The following CSMD1 variants were observed in gnomAD, a reference collection of about 807,000 sequenced individuals.
The protein encoded by CSMD1 is CUB and sushi domain-containing protein 1.
A neutral mutation model predicts 417.5 loss-of-function variants in CSMD1; 213 were observed. That is an observed-to-expected ratio of 0.51 (90% CI 0.46 to 0.57). CSMD1 has a LOEUF of 0.57. Ranked by LOEUF, CSMD1 falls within the 20% of genes least tolerant of loss-of-function variation. CSMD1 has a pLI of 0.00. For missense variants in CSMD1, 6,923 were observed against 4,529.7 expected (o/e 1.53, Z -15.17); for synonymous variants, 2,862 against 1,736.8 (o/e 1.65, Z -16.11).
In CSMD1 at chr8:4,499,531, T is replaced by A. The variant is rs192770372; in HGVS notation, c.303-79466A>T. Among the ~76,000 whole-genome samples, 542 of 152,340 alleles carry A rather than the reference T, an allele frequency of 3.6e-3. 6 individuals carry two copies. Among genetic ancestry groups the A allele is most frequent in the South Asian group, 0.018 (89 of 4,828 alleles). On this transcript the variant is annotated intron_variant, in intron 2 of 69. Transcript: ENST00000635120. ...TCAAGGAGTTACTTTATCAACTAGTTTAAACAAGGTGGATAAGCGATAACA... is the reference window on the plus strand; with the variant it reads ...TCAAGGAGTTACTTTATCAACTAGTATAAACAAGGTGGATAAGCGATAACA...
intron 5 of CSMD1, among the ~76,000 whole-genome samples, chr8:3,815,724 G>A (rs1441496108): frequency 6.6e-6 from 1 of 151,082 alleles, no homozygotes. Flanking sequence ...CTTTGGACTT[G>A]GAGATTCTCA....
At chr8:3,480,545 C>G (rs998569404) in intron 11 of CSMD1, among the ~76,000 whole-genome samples, 5 of 152,048 alleles carry the variant, frequency 3.3e-5, no homozygotes, top group African/African-American at 4.8e-5. Context: ...TGAAAACTTA[C>G]CAAATTTGGC....
chr8:3,726,238 T>C (rs1455959450), intron 6 of CSMD1, among the ~76,000 whole-genome samples: 1 of 152,106 alleles, frequency 6.6e-6, no homozygotes, highest in Non-Finnish European at 1.5e-5. Flanking sequence ...TGTAAACCCA[T>C]GAGAGGCTGG....
intron 69 of CSMD1, among the ~76,000 whole-genome samples, chr8:2,939,710 G>A (rs1801730462): frequency 6.6e-6 from 1 of 152,220 alleles, no homozygotes. Context: ...TGCTCATTAA[G>A]AAAAAGAGAA....
At chr8:4,493,611 C>G (rs1482279495) in intron 2 of CSMD1, among the ~76,000 whole-genome samples, 1 of 152,108 alleles carries the variant, frequency 6.6e-6, no homozygotes, top group Non-Finnish European at 1.5e-5. Context: ...GGGGAGATTG[C>G]TTGAGGCCAG....
intron 1 of CSMD1, among the ~76,000 whole-genome samples, chr8:4,869,305 A>C (rs757202030): frequency 6.6e-5 from 10 of 152,154 alleles, no homozygotes; most frequent in East Asian, 5.8e-4. Flanking sequence ...CATTTGATGG[A>C]AACAGTGGAG....
At chr8:3,299,444 CTT>C (rs1361302536) in intron 25 of CSMD1, among the ~76,000 whole-genome samples, 1 of 151,938 alleles carries the variant, frequency 6.6e-6, no homozygotes, top group Non-Finnish European at 1.5e-5. Flanking sequence ...AAGAGCAACA[CTT>C]TGTCTCAAAA....
At chr8:3,465,710 T>C (rs140981116) in intron 12 of CSMD1, among the ~76,000 whole-genome samples, 7 of 152,274 alleles carry the variant, frequency 4.6e-5, no homozygotes, top group Admixed American at 1.3e-4. Flanking sequence ...TTGACATGGG[T>C]GGCCTTTGGT....
intron 5 of CSMD1, among the ~76,000 whole-genome samples, chr8:3,870,864 C>T (rs562405708): frequency 4.8e-4 from 73 of 152,178 alleles, no homozygotes; most frequent in African/African-American, 1.7e-3. Context: ...TCTTAGGTTC[C>T]TTAGATGCCT....
At chr8:3,011,074 C>G (rs1393872420) in intron 52 of CSMD1, among the ~76,000 whole-genome samples, 1 of 152,156 alleles carries the variant, frequency 6.6e-6, no homozygotes, top group African/African-American at 2.4e-5. Flanking sequence ...TTATTTACTC[C>G]TTAGAGTATA....
chr8:4,420,482 G>T (rs931372774), intron 2 of CSMD1, among the ~76,000 whole-genome samples: 1 of 151,696 alleles, frequency 6.6e-6, no homozygotes, highest in Non-Finnish European at 1.5e-5. Flanking sequence ...CCATCACGTC[G>T]GTATGAAGCC....
intron 1 of CSMD1, among the ~76,000 whole-genome samples, chr8:4,689,469 G>A (rs1441607596): frequency 2.0e-5 from 3 of 151,786 alleles, no homozygotes; most frequent in Non-Finnish European, 4.4e-5. Context: ...GGATTTGTGG[G>A]GAAAAAAGGG....
At chr8:3,682,234 T>C (rs1799703423) in intron 7 of CSMD1, among the ~76,000 whole-genome samples, 1 of 152,098 alleles carries the variant, frequency 6.6e-6, no homozygotes, top group Admixed American at 6.6e-5. Context: ...CACAAGAAAC[T>C]ACCATCAGAG....
chr8:4,252,505 T>A (rs1305250598), intron 3 of CSMD1, among the ~76,000 whole-genome samples: 2 of 152,240 alleles, frequency 1.3e-5, no homozygotes, highest in Non-Finnish European at 1.5e-5. Context: ...GCCAGAGGCA[T>A]GTCCTGTTTC....
intron 3 of CSMD1, among the ~76,000 whole-genome samples, chr8:4,231,081 C>T (rs545759467): frequency 5.3e-5 from 8 of 152,248 alleles, no homozygotes; most frequent in African/African-American, 1.9e-4. Context: ...CAAGGGTTAT[C>T]CTAAATTAAG....
At chr8:4,278,650 T>A (rs754818530) in intron 3 of CSMD1, among the ~76,000 whole-genome samples, 6 of 152,112 alleles carry the variant, frequency 3.9e-5, no homozygotes, top group Non-Finnish European at 5.9e-5. Flanking sequence ...CAACATAAAG[T>A]GTAGCTTTTT....
chr8:3,444,404 T>C (rs947061046), intron 12 of CSMD1, among the ~76,000 whole-genome samples: 2 of 152,186 alleles, frequency 1.3e-5, no homozygotes, highest in Non-Finnish European at 2.9e-5. Flanking sequence ...ATCAGACTGT[T>C]TTAAATTCAT....
At chr8:3,681,531 A>G (rs957854133) in intron 7 of CSMD1, among the ~76,000 whole-genome samples, 2 of 152,180 alleles carry the variant, frequency 1.3e-5, no homozygotes, top group African/African-American at 4.8e-5. Context: ...TGCTCAATGA[A>G]ATAAAAGAGG....
intron 1 of CSMD1, among the ~76,000 whole-genome samples, chr8:4,669,407 T>G (rs1200263566): frequency 6.6e-6 from 1 of 152,206 alleles, no homozygotes; most frequent in Non-Finnish European, 1.5e-5. Context: ...TTCTCCTCAT[T>G]TGAGAAAATA....
Sources: gnomAD v4.1 joint callset for allele counts (sites outside exome capture counted in the v4.1 genomes callset) on GRCh38, gnomAD v4.1.1 for gene constraint, MANE v1.5 for transcripts, NCBI Gene and HGNC (gene_info 2026-07-23, HGNC 2026-07-21) for gene names.